Variants in RALGAPB observed in about 807,000 individuals in gnomAD.
The protein encoded by RALGAPB is Ral GTPase activating protein non-catalytic subunit beta.
RALGAPB carries 25 observed loss-of-function variants against 161.1 expected under a neutral mutation model. That is an observed-to-expected ratio of 0.16 (90% CI 0.11 to 0.22). RALGAPB has a LOEUF of 0.22. Ranked by LOEUF, RALGAPB falls within the 10% of genes least tolerant of loss-of-function variation. RALGAPB has a pLI of 1.00. For missense variants in RALGAPB, 1,391 were observed against 1,815.2 expected (o/e 0.77, Z 4.25); for synonymous variants, 629 against 626.1 (o/e 1.00, Z -0.07).
Position 38,494,902 on chromosome 20 carries a change from T to C in RALGAPB, c.389+1770T>C, listed in dbSNP as rs566290384. On this transcript the variant is annotated intron_variant, in intron 3 of 29. Coordinates refer to ENST00000262879, the MANE Select transcript of RALGAPB (RefSeq NM_020336.4). ...TAATGGCATTTGAGTTAATTAGGCT[T>C]GTGCCTTTACTTTTCTCTTTTGAGA... Among the ~76,000 whole-genome samples, 2 of 152,370 alleles carry C rather than the reference T, an allele frequency of 1.3e-5. 1 individual carries two copies. The highest frequency in any genetic ancestry group is 4.1e-4 in the South Asian group (2 of 4,830).
intron 23 of RALGAPB, 54 bp from the exon 24 acceptor site, chr20:38,562,478 T>C: frequency 4.3e-6 from 6 of 1,399,810 alleles, no homozygotes; most frequent in Non-Finnish European, 5.8e-6. Context: ...AAGATTTATT[T>C]TGATATATTA....
Position 38,530,681 on chromosome 20 carries a change from C to G in RALGAPB, c.2051-486C>G, listed in dbSNP as rs549835277. Among the ~76,000 whole-genome samples, 10 of 151,556 alleles carry G rather than the reference C, an allele frequency of 6.6e-5. No homozygotes were observed. The South Asian group carries it at 1.9e-3, about 28-fold the overall frequency. Reference sequence around the variant, plus strand: ...GTGCAATTTCGGCTCACTGCAACCTCCACCTCCCAGGTTCAAGCAATTCCC... The same window carrying G: ...GTGCAATTTCGGCTCACTGCAACCTGCACCTCCCAGGTTCAAGCAATTCCC... On this transcript the variant is annotated intron_variant, in intron 13 of 29. Coordinates refer to ENST00000262879, the MANE Select transcript of RALGAPB (RefSeq NM_020336.4).
intron 15 of RALGAPB, among the ~76,000 whole-genome samples, chr20:38,534,113 TG>T (rs1389619032): frequency 1.7e-4 from 22 of 129,416 alleles, no homozygotes; most frequent in African/African-American, 5.7e-4. Context: ...TACTCCAGCC[TG>T]GGCAACAGAG....
rs1342314168 is a variant in RALGAPB at position 38,494,079 on chromosome 20, G to A, written c.389+947G>A. Among the ~76,000 whole-genome samples the A allele has an allele frequency of 2.6e-5, 4 of 152,068 alleles. No homozygotes were observed. In the East Asian group the frequency reaches 7.7e-4, roughly 29 times the overall value. On this transcript the variant is annotated intron_variant, in intron 3 of 29. Coordinates refer to ENST00000262879, the MANE Select transcript of RALGAPB (RefSeq NM_020336.4). Reference sequence around the variant, plus strand: ...GGAGAAGTCCTACCTAACCACTCAGGCCCACAGCGATCACACCTTCTCTGA... The same window carrying A: ...GGAGAAGTCCTACCTAACCACTCAGACCCACAGCGATCACACCTTCTCTGA...
At chr20:38,560,145 T>TG (rs1320824702) in intron 23 of RALGAPB, among the ~76,000 whole-genome samples, 1 of 151,752 alleles carries the variant, frequency 6.6e-6, no homozygotes, top group Non-Finnish European at 1.5e-5. Context: ...AGTTAAGAAG[T>TG]GTCTGTTGTT....
chr20:38,499,748 A>G, intron 5 of RALGAPB, 115 bp downstream of exon 5: 1 of 1,014,122 alleles, frequency 9.9e-7, no homozygotes, highest in Non-Finnish European at 1.3e-6. Flanking sequence ...TACTTTAGAT[A>G]CAGAATTGAG....
At chr20:38,475,950 A>C (rs575891100) in intron 1 of RALGAPB, among the ~76,000 whole-genome samples, 1 of 152,172 alleles carries the variant, frequency 6.6e-6, no homozygotes, top group Non-Finnish European at 1.5e-5. Context: ...TGTTATAGAA[A>C]AATTTTCTTG....
intron 1 of RALGAPB, among the ~76,000 whole-genome samples, chr20:38,477,935 A>G (rs1443675226): frequency 1.3e-5 from 2 of 152,172 alleles, no homozygotes; most frequent in Admixed American, 6.5e-5. Context: ...CAGCCTGGGC[A>G]GCATAATGAG....
chr20:38,510,498 T>A (rs894408743), intron 6 of RALGAPB, among the ~76,000 whole-genome samples: 13 of 152,194 alleles, frequency 8.5e-5, no homozygotes, highest in Non-Finnish European at 1.6e-4. Flanking sequence ...TTAGAACCAA[T>A]TTTTCAAGTT....
At chr20:38,545,883 C>G (rs2087145686) in intron 18 of RALGAPB, among the ~76,000 whole-genome samples, 1 of 152,076 alleles carries the variant, frequency 6.6e-6, no homozygotes, top group Non-Finnish European at 1.5e-5. Context: ...TTGCTGTGTT[C>G]CATGCAAGAT....
chr20:38,488,684 A>G, intron 2 of RALGAPB, 66 bp downstream of exon 2: 4 of 1,473,280 alleles, frequency 2.7e-6, no homozygotes, highest in Non-Finnish European at 3.7e-6. Context: ...AATTTGTTTA[A>G]TGTTAACTTT....
At chr20:38,531,705 G>C (rs1380755716) in intron 14 of RALGAPB, among the ~76,000 whole-genome samples, 1 of 152,168 alleles carries the variant, frequency 6.6e-6, no homozygotes, top group Non-Finnish European at 1.5e-5. Flanking sequence ...TTGTCTTCAA[G>C]ATATATCATC....
intron 1 of RALGAPB, among the ~76,000 whole-genome samples, chr20:38,482,026 A>C (rs2084985040): frequency 6.6e-6 from 1 of 152,194 alleles, no homozygotes; most frequent in South Asian, 2.1e-4. Flanking sequence ...ATTTTCAAGT[A>C]ACTTTTGACT....
intron 15 of RALGAPB, among the ~76,000 whole-genome samples, chr20:38,533,461 A>G (rs1000133406): frequency 1.3e-5 from 2 of 152,326 alleles, no homozygotes; most frequent in East Asian, 1.9e-4. Flanking sequence ...ATGTTTTTCT[A>G]CACAAGTACT....
intron 6 of RALGAPB, among the ~76,000 whole-genome samples, chr20:38,512,517 C>G (rs961168282): frequency 6.6e-6 from 1 of 152,202 alleles, no homozygotes; most frequent in Non-Finnish European, 1.5e-5. Context: ...CGGCATGATG[C>G]CTAGTGCATG....
At chr20:38,553,777 CAAAAAAA>C (rs35778032) in intron 21 of RALGAPB, 83 bp from the exon 22 acceptor site, 134 of 278,782 alleles carry the variant, frequency 4.8e-4, no homozygotes, top group Non-Finnish European at 6.6e-4. Context: ...AGCCCAGTCT[CAAAAAAA>C]AAAAAAAAAA....
chr20:38,569,860 G>A (rs774701905), intron 26 of RALGAPB, 28 bp from the exon 27 acceptor site: 12 of 1,570,606 alleles, frequency 7.6e-6, no homozygotes, highest in African/African-American at 1.4e-5. Context: ...TGTTTTTCCC[G>A]CTCTCTGTCT....
chr20:38,520,192 T>C (rs1338249933), intron 9 of RALGAPB: 22 of 600,834 alleles, frequency 3.7e-5, no homozygotes, highest in Non-Finnish European at 4.6e-5. Context: ...TATTTTATAA[T>C]TACTACTGTC....
chr20:38,508,981 A>T, intron 5 of RALGAPB, 96 bp from the exon 6 acceptor site: 2 of 1,342,724 alleles, frequency 1.5e-6, no homozygotes, highest in Non-Finnish European at 2.1e-6. Context: ...TGTGAGGTAC[A>T]CATGTTTCAT....
Sources: allele counts gnomAD v4.1 joint callset (sites outside exome capture counted in the v4.1 genomes callset), GRCh38; gene constraint gnomAD v4.1.1; transcripts MANE v1.5; gene names NCBI Gene and HGNC (gene_info 2026-07-23, HGNC 2026-07-21).